The following SIPA1L1 variants were observed in gnomAD, a reference collection of about 807,000 sequenced individuals.
SIPA1L1 encodes signal induced proliferation associated 1 like 1.
Under a neutral mutation model 162.7 loss-of-function variants are expected in SIPA1L1, and 26 were observed. The observed-to-expected ratio is 0.16, with a 90% CI of 0.12 to 0.22. The LOEUF (loss-of-function observed/expected upper bound fraction) is 0.22. Among genes scored for constraint, SIPA1L1 ranks in the 10% least tolerant of loss-of-function variants. SIPA1L1 has a pLI of 1.00. For missense variants in SIPA1L1, 1,874 were observed against 2,241.0 expected (o/e 0.84, Z 3.31); for synonymous variants, 829 against 837.4 (o/e 0.99, Z 0.17).
chr14:71,523,782 G>A (rs1000903050), intron 3 of SIPA1L1, among the ~76,000 whole-genome samples: 1 of 152,174 alleles, frequency 6.6e-6, no homozygotes, highest in African/African-American at 2.4e-5. Flanking sequence ...CTATGGACTT[G>A]TGGATGTTTG....
chr14:71,508,558 A>G (rs1478275252), intron 2 of SIPA1L1, among the ~76,000 whole-genome samples: 1 of 152,240 alleles, frequency 6.6e-6, no homozygotes, highest in African/African-American at 2.4e-5. Context: ...TGGTATGTCC[A>G]CTGGGGATGG....
chr14:71,640,782 G>A (rs567117224), intron 7 of SIPA1L1, among the ~76,000 whole-genome samples: 2 of 152,126 alleles, frequency 1.3e-5, no homozygotes, highest in African/African-American at 2.4e-5. Context: ...GTGCCCCTAC[G>A]CCCGGCTAAC....
At chr14:71,728,135 T>C (rs991942477) in intron 19 of SIPA1L1, among the ~76,000 whole-genome samples, 1 of 152,168 alleles carries the variant, frequency 6.6e-6, no homozygotes, top group Non-Finnish European at 1.5e-5. Flanking sequence ...GAAAACTATT[T>C]AGCAGCAGTT....
chr14:71,503,417 C>T (rs2050404831), intron 2 of SIPA1L1, among the ~76,000 whole-genome samples: 1 of 152,170 alleles, frequency 6.6e-6, no homozygotes, highest in Admixed American at 6.5e-5. Flanking sequence ...TTGACTTGAT[C>T]ATCCTTTATA....
At chr14:71,508,633 T>C (rs1026530848) in intron 2 of SIPA1L1, among the ~76,000 whole-genome samples, 1 of 152,230 alleles carries the variant, frequency 6.6e-6, no homozygotes, top group African/African-American at 2.4e-5. Context: ...TTGCATACTT[T>C]TATTTCCGAA....
chr14:71,367,018 T>C (rs1273692192), intron 2 of SIPA1L1, among the ~76,000 whole-genome samples: 4 of 152,162 alleles, frequency 2.6e-5, no homozygotes, highest in African/African-American at 9.7e-5. Flanking sequence ...GAGGTCACTG[T>C]TAGTTGCATA....
chr14:71,526,065 GA>G (rs757315940), intron 3 of SIPA1L1, among the ~76,000 whole-genome samples: 1 of 152,298 alleles, frequency 6.6e-6, no homozygotes, highest in Middle Eastern at 3.4e-3. Flanking sequence ...AGAGCTTCAG[GA>G]ACTTGCTTTG....
chr14:71,561,542 G>A (rs140108449), intron 4 of SIPA1L1, among the ~76,000 whole-genome samples: 2,281 of 152,278 alleles, frequency 0.015, 23 homozygotes, highest in Non-Finnish European at 0.021. Flanking sequence ...TAATTAACAA[G>A]TGAAGAATTA....
intron 10 of SIPA1L1, among the ~76,000 whole-genome samples, chr14:71,665,279 G>A (rs1159564239): frequency 2.0e-5 from 3 of 152,168 alleles, no homozygotes; most frequent in African/African-American, 7.2e-5. Context: ...AGTGGATCTA[G>A]ACATGAGATC....
intron 4 of SIPA1L1, among the ~76,000 whole-genome samples, chr14:71,542,704 CCCTCCTCCTCCT>C (rs147003051): frequency 1.3e-4 from 14 of 105,792 alleles, no homozygotes; most frequent in African/African-American, 4.9e-4. Context: ...TTCTCCTCCT[CCCTCCTCCTCCT>C]CCTCCTCCTC....
chr14:71,370,695 A>G (rs2038804034), intron 2 of SIPA1L1, among the ~76,000 whole-genome samples: 1 of 152,168 alleles, frequency 6.6e-6, no homozygotes, highest in Non-Finnish European at 1.5e-5. Context: ...GCGTTTAGAA[A>G]TGGAGAGTCA....
At chr14:71,333,162 A>T (rs1055472902) in intron 2 of SIPA1L1, among the ~76,000 whole-genome samples, 1 of 152,156 alleles carries the variant, frequency 6.6e-6, no homozygotes, top group African/African-American at 2.4e-5. Flanking sequence ...CCTGTTTCAG[A>T]TGATTGGTAT....
At chr14:71,723,147 G>A (rs1597229081) in intron 17 of SIPA1L1, among the ~76,000 whole-genome samples, 1 of 152,338 alleles carries the variant, frequency 6.6e-6, no homozygotes, top group East Asian at 1.9e-4. Flanking sequence ...GCTGCCATGG[G>A]GAAGGAGCAC....
At chr14:71,584,990 A>G (rs1240838802) in intron 4 of SIPA1L1, among the ~76,000 whole-genome samples, 1 of 152,200 alleles carries the variant, frequency 6.6e-6, no homozygotes, top group Non-Finnish European at 1.5e-5. Flanking sequence ...GGTATTATTG[A>G]TCTGTCATCA....
intron 7 of SIPA1L1, among the ~76,000 whole-genome samples, chr14:71,636,444 A>T (rs909353543): frequency 3.9e-5 from 6 of 152,258 alleles, no homozygotes; most frequent in African/African-American, 1.2e-4. Flanking sequence ...CTAAGTAACC[A>T]GTAGGTCAAA....
intron 19 of SIPA1L1, among the ~76,000 whole-genome samples, chr14:71,726,523 A>G (rs1339925784): frequency 6.6e-6 from 1 of 152,246 alleles, no homozygotes; most frequent in African/African-American, 2.4e-5. Context: ...ATGCAGTAGA[A>G]ATAATTGAAG....
intron 4 of SIPA1L1, among the ~76,000 whole-genome samples, chr14:71,531,274 C>T (rs1157587948): frequency 6.6e-6 from 1 of 151,490 alleles, no homozygotes; most frequent in African/African-American, 2.4e-5. Context: ...TGTGAGAATT[C>T]GCCATTATGC....
chr14:71,735,592 G>A (rs1224414498), intron 22 of SIPA1L1: 9 of 499,254 alleles, frequency 1.8e-5, no homozygotes, highest in South Asian at 3.4e-5. Context: ...TGACTTATAC[G>A]GCCATAATGA....
chr14:71,603,866 G>T (rs1384305360), intron 5 of SIPA1L1, among the ~76,000 whole-genome samples: 1 of 149,630 alleles, frequency 6.7e-6, no homozygotes, highest in Non-Finnish European at 1.5e-5. Context: ...GGTGAGCCGA[G>T]ATTGCACCAC....
Sources: allele counts gnomAD v4.1 joint callset (sites outside exome capture counted in the v4.1 genomes callset), GRCh38; gene constraint gnomAD v4.1.1; transcripts MANE v1.5; gene names NCBI Gene and HGNC (gene_info 2026-07-23, HGNC 2026-07-21).